SPTBN4: variants seen among roughly 807,000 people sequenced by gnomAD.
The protein encoded by SPTBN4 is spectrin beta chain, non-erythrocytic 4.
A neutral mutation model predicts 277.8 loss-of-function variants in SPTBN4; 96 were observed. That is an observed-to-expected ratio of 0.35 (90% CI 0.29 to 0.41). The LOEUF (loss-of-function observed/expected upper bound fraction) is 0.41. Ranked by LOEUF, SPTBN4 falls within the 10% of genes least tolerant of loss-of-function variation. The pLI is 1.00. For missense variants in SPTBN4, 3,006 were observed against 3,595.7 expected (o/e 0.84, Z 4.19); for synonymous variants, 1,481 against 1,580.3 (o/e 0.94, Z 1.49).
At chr19:40,565,181 C>T (rs911611743) in intron 27 of SPTBN4, among the ~76,000 whole-genome samples, 4 of 151,902 alleles carry the variant, frequency 2.6e-5, no homozygotes, top group Non-Finnish European at 4.4e-5. Flanking sequence ...AGGAGAATCG[C>T]CTGAACTCGG....
chr19:40,468,840 T>G (rs2079854075), intron 1 of SPTBN4, among the ~76,000 whole-genome samples: 1 of 152,172 alleles, frequency 6.6e-6, no homozygotes, highest in South Asian at 2.1e-4. Flanking sequence ...GGCTCACATG[T>G]GTAACCCCAG....
Position 40,503,927 on chromosome 19 carries a change from G to A in SPTBN4, c.1460G>A (p.Gly487Asp), listed in dbSNP as rs1202908474. 1 of 1,613,996 alleles carries A rather than the reference G, an allele frequency of 6.2e-7. No individual in the cohort carries two copies. The highest frequency in any genetic ancestry group is 8.5e-7 in the Non-Finnish European group (1 of 1,179,978). ...GCGGCCTACGAGGAGCGGGTGCAGG[G>A]TGTGGCGGAGCTGGCCCAGGCATTG... ...DIAAYEERVQ[G>D]VAELAQALAA... Residue 487 changes from glycine to aspartate, a missense_variant, in exon 12 of 36, where the codon GGT (glycine) becomes GAT (aspartate). Around this residue, in one of 5 missense-constraint regions of SPTBN4, gnomAD observed 1,759 missense variants for 2,061.5 expected, o/e 0.85. Transcript: ENST00000598249.
intron 18 of SPTBN4, chr19:40,530,630 C>T (rs1286945208): frequency 1.0e-6 from 1 of 954,794 alleles, no homozygotes; most frequent in Non-Finnish European, 1.2e-6. Flanking sequence ...GCGCGCACCC[C>T]GCGGACGCAG....
intron 5 of SPTBN4, 62 bp from the exon 6 acceptor site, chr19:40,494,835 T>C: frequency 6.8e-7 from 1 of 1,467,462 alleles, no homozygotes; most frequent in Non-Finnish European, 9.5e-7. Flanking sequence ...TCTGTCTTTT[T>C]CCCCTTTCTT....
chr19:40,473,735 G>A (rs1436710297), intron 2 of SPTBN4, among the ~76,000 whole-genome samples: 1 of 152,052 alleles, frequency 6.6e-6, no homozygotes, highest in African/African-American at 2.4e-5. Context: ...CCTTAGAAAT[G>A]TACAGTCCCA....
At position 40,554,112 on chromosome 19, in the gene SPTBN4, C is replaced by A. The variant is rs911472297; in HGVS notation, c.4675-35C>A. 2.8e-5 allele frequency: 40 copies of A among 1,410,290 alleles called. No homozygotes were observed. Among genetic ancestry groups the A allele is most frequent in the Non-Finnish European group, 3.6e-5 (39 of 1,094,734 alleles). The allele number at this position is 1,410,290 out of a possible 1,614,324, so 87.4% of individuals were successfully genotyped here. A position where few individuals can be genotyped will look rare whatever the true frequency, so the allele number is the denominator to read the frequency against. The stretch of plus-strand genomic sequence containing the variant: ...GTCTTGCAGGGCCTCGGAACGCCCC[C>A]TCTCCACCCACATCCCCTTACCTCC... On this transcript the variant is annotated intron_variant, in intron 22 of 35. Coordinates refer to ENST00000598249, the MANE Select transcript of SPTBN4 (RefSeq NM_020971.3). The surrounding 1 kb of genome is among the most constrained non-coding windows in gnomAD (Gnocchi z 5.7).
In SPTBN4 at chr19:40,497,472, T is replaced by C; in HGVS notation, c.669-17T>C. On this transcript the variant is annotated splice_polypyrimidine_tract_variant and intron_variant, in intron 6 of 35. Coordinates refer to ENST00000598249, the MANE Select transcript of SPTBN4 (RefSeq NM_020971.3). ...TGGAGCCTGCCTGCTGCCTGCCTGC[T>C]CTGTGCCCCTGCCCAGGCCTGATCT... is the stretch of plus-strand genomic sequence containing the variant. 1 of 1,599,354 alleles carries C rather than the reference T, an allele frequency of 6.3e-7. No individual in the cohort carries two copies. Among genetic ancestry groups the C allele is most frequent in the Non-Finnish European group, 8.6e-7 (1 of 1,166,732 alleles).
intron 18 of SPTBN4, chr19:40,530,514 C>T (rs1209582485): frequency 2.0e-6 from 2 of 980,020 alleles, no homozygotes; most frequent in Admixed American, 6.3e-5. Flanking sequence ...CCGCCGCTGC[C>T]GCTGCCGTCG....
chr19:40,478,295 G>A (rs2079970944), intron 2 of SPTBN4, among the ~76,000 whole-genome samples: 1 of 151,918 alleles, frequency 6.6e-6, no homozygotes, highest in Admixed American at 6.6e-5. Context: ...ATCTTGCCCA[G>A]GGAAATGTAG....
chr19:40,494,974 A>G lies in SPTBN4; in HGVS notation c.665A>G (p.His222Arg). 1.2e-6 allele frequency: 2 copies of G among 1,614,098 alleles called. No homozygotes were observed. The highest frequency in any genetic ancestry group is 1.7e-6 in the Non-Finnish European group (2 of 1,179,992). The change falls in exon 6 of 36, where the codon CAC becomes CGC. Residue 222 changes from histidine (H) to arginine (R), a missense_variant. Coordinates refer to ENST00000598249, the MANE Select transcript of SPTBN4 (RefSeq NM_020971.3). ...GLAFNALIHR[H>R]RPDLVDFSKL... ...GCCTTCAATGCCCTCATTCACCGGC[A>G]CAGGTACCACCTGGCCTGGGACAGC...
Position 40,502,869 on chromosome 19 carries a change from G to A in SPTBN4, c.1298G>A (p.Arg433Lys), listed in dbSNP as rs759950953. Reference protein sequence around the residue: ...RQEKLELLAQRFDHKVAMRES... With the variant: ...RQEKLELLAQKFDHKVAMRES... Reference sequence around the variant, plus strand: ...GAGAAGCTGGAACTACTGGCACAGAGGTTTGACCACAAGGTGGCTATGAGG... The same window carrying A: ...GAGAAGCTGGAACTACTGGCACAGAAGTTTGACCACAAGGTGGCTATGAGG... Residue 433 changes from arginine (R) to lysine (K), a missense_variant, in exon 11 of 36, where the codon AGG becomes AAG. Around this residue, in one of 5 missense-constraint regions of SPTBN4, gnomAD observed 1,759 missense variants for 2,061.5 expected, o/e 0.85. Transcript: ENST00000598249. This position sits in a 1 kb window ranked among gnomAD's most constrained non-coding sequence, Gnocchi z 4.9. 1.2e-6 allele frequency: 2 copies of A among 1,613,828 alleles called. No homozygotes were observed. The highest frequency in any genetic ancestry group is 1.7e-6 in the Non-Finnish European group (2 of 1,180,024).
chr19:40,570,562 C>T lies in SPTBN4; in HGVS notation c.7153C>T (p.Arg2385Trp). Residue 2385 changes from arginine (R) to tryptophan (W), a missense_variant, in exon 33 of 36, where the codon CGG (arginine) becomes TGG (tryptophan). By Grantham distance (101) the Arg-to-Trp change is moderately radical (BLOSUM62 -3). Coordinates refer to ENST00000598249, the MANE Select transcript of SPTBN4 (RefSeq NM_020971.3). ...RDRPKPRRRP[R>W]PREGGEGGGS... is the part of the protein sequence containing the mutation. ...CCGGCCCAAGCCGCGACGGCGGCCG[C>T]GGCCCAGAGAGGGTGGTGAGGGCGG... 7.4e-7 allele frequency: 1 copy of T among 1,353,966 alleles called. No individual in the cohort carries two copies. The highest frequency in any genetic ancestry group is 9.5e-7 in the Non-Finnish European group (1 of 1,056,022). 83.9% of individuals were successfully genotyped at this position (1,353,966 alleles called of 1,614,324 possible).
intron 33 of SPTBN4, chr19:40,570,994 G>T (rs1384354233): frequency 2.1e-6 from 1 of 479,992 alleles, no homozygotes; most frequent in African/African-American, 2.1e-5. Flanking sequence ...CAACTTTGAT[G>T]ATTCCAACCA....
At chr19:40,568,726 A>G (rs948196420) in intron 31 of SPTBN4, among the ~76,000 whole-genome samples, 2 of 152,154 alleles carry the variant, frequency 1.3e-5, no homozygotes, top group Non-Finnish European at 2.9e-5. Flanking sequence ...TTGTATGACT[A>G]GGGCAACTGA....
In SPTBN4 at chr19:40,565,651, C is replaced by A; in HGVS notation, c.6055-10C>A. The A allele has an allele frequency of 1.3e-6, 2 of 1,556,770 alleles. No individual in the cohort carries two copies. The highest frequency in any genetic ancestry group is 8.7e-7 in the Non-Finnish European group (1 of 1,149,634). On this transcript the variant is annotated splice_polypyrimidine_tract_variant and intron_variant, in intron 28 of 35. Coordinates refer to ENST00000598249, the MANE Select transcript of SPTBN4 (RefSeq NM_020971.3). ...CCCTGACTTCCCTCCCACCCACCTG[C>A]CACTCCCAGATCCAGGCACAGCTGG...
rs895201494 is a variant in SPTBN4 at position 40,519,686 on chromosome 19, G to C, written c.3189G>C (p.Ala1063=). ...PAQAARLHQG[A]EELGAEWGAL... ...AGGCGGCGCGGCTGCACCAGGGCGCGGAGGAGCTGGGCGCCGAGTGGGGCG... is the reference window on the plus strand; with the variant it reads ...AGGCGGCGCGGCTGCACCAGGGCGCCGAGGAGCTGGGCGCCGAGTGGGGCG... Residue 1063 remains alanine, a synonymous_variant, in exon 16 of 36, where the codon GCG becomes GCC. Coordinates refer to ENST00000598249, the MANE Select transcript of SPTBN4 (RefSeq NM_020971.3). This position sits in a 1 kb window ranked among gnomAD's most constrained non-coding sequence, Gnocchi z 5.7. 1.7e-4 allele frequency: 240 copies of C among 1,389,856 alleles called. No individual in the cohort carries two copies. The highest frequency in any genetic ancestry group is 2.1e-4 in the Non-Finnish European group (232 of 1,083,006). 86.1% of individuals were successfully genotyped at this position (1,389,856 alleles called of 1,614,324 possible).
chr19:40,494,419 C>A (rs2080171742), intron 5 of SPTBN4, among the ~76,000 whole-genome samples: 1 of 150,064 alleles, frequency 6.7e-6, no homozygotes, highest in South Asian at 2.1e-4. Flanking sequence ...TACCTCTCTC[C>A]TTCCTCTCTC....
chr19:40,522,869 C>T (rs1027586268), intron 16 of SPTBN4, among the ~76,000 whole-genome samples: 15 of 151,810 alleles, frequency 9.9e-5, no homozygotes, highest in East Asian at 3.9e-4. Flanking sequence ...TGGTGGCTCA[C>T]GCCTGTAATC....
intron 13 of SPTBN4, 121 bp downstream of exon 13, chr19:40,506,507 G>C: frequency 7.2e-7 from 1 of 1,392,252 alleles, no homozygotes; most frequent in Non-Finnish European, 9.5e-7. Context: ...AGGCATTTAA[G>C]CAGAGCCTAA....
Sources: allele counts gnomAD v4.1 joint callset (sites outside exome capture counted in the v4.1 genomes callset), GRCh38; gene constraint gnomAD v4.1.1; regional missense constraint gnomAD v4.1.1; non-coding constraint Gnocchi (gnomAD v3.1); transcripts MANE v1.5; gene names NCBI Gene and HGNC (gene_info 2026-07-23, HGNC 2026-07-21).